Variants in CDC14B observed in about 807,000 individuals in gnomAD.
CDC14B encodes the protein dual specificity protein phosphatase CDC14B.
In CDC14B, 22 loss-of-function variants were observed where a neutral mutation model predicts 64.2. The ratio of observed to expected loss-of-function variants is 0.34; its 90% confidence interval spans 0.24 to 0.49. CDC14B has a LOEUF of 0.49. Ranked by LOEUF, CDC14B falls within the 20% of genes least tolerant of loss-of-function variation. The pLI is 0.99. For synonymous variants in CDC14B, 191 were observed against 215.8 expected (o/e 0.89, Z 1.01); for missense variants, 498 against 629.9 (o/e 0.79, Z 2.24).
chr9:96,590,451 A>G (rs1345479039), intron 1 of CDC14B, among the ~76,000 whole-genome samples: 1 of 152,226 alleles, frequency 6.6e-6, no homozygotes, highest in African/African-American at 2.4e-5. Context: ...TGGACTGGAC[A>G]TAAGTGTAAA....
chr9:96,566,669 C>T, intron 1 of CDC14B: 6 of 1,186,306 alleles, frequency 5.1e-6, no homozygotes, highest in Middle Eastern at 2.8e-4. Flanking sequence ...CAAGGGCGGC[C>T]GGGGCCCAGA....
Position 96,534,384 on chromosome 9 carries a change from C to T in CDC14B, c.715+71G>A, listed in dbSNP as rs1838974863. ...TAACACTTGGTCAAGCTTGGTGTAA[C>T]TCTTTCAAAAGAAAATATAGGATAG... On this transcript the variant is annotated intron_variant, in intron 8 of 13. Transcript: ENST00000375241. 3.5e-6 allele frequency: 4 copies of T among 1,145,452 alleles called. No individual in the cohort carries two copies. In the Admixed American group the frequency reaches 5.4e-5, roughly 15 times the overall value. The allele number at this position is 1,145,452 out of a possible 1,614,324, so 71.0% of individuals were successfully genotyped here.
chr9:96,615,892 G>T (rs2119081177), intron 1 of CDC14B, among the ~76,000 whole-genome samples: 1 of 152,272 alleles, frequency 6.6e-6, no homozygotes, highest in African/African-American at 2.4e-5. Flanking sequence ...ACACTCTATA[G>T]ATATAGTCAC....
intron 12 of CDC14B, among the ~76,000 whole-genome samples, chr9:96,510,580 A>C (rs1834778857): frequency 6.6e-6 from 1 of 151,954 alleles, no homozygotes; most frequent in African/African-American, 2.4e-5. Context: ...AAAACAGCAG[A>C]AGACATCAAA....
At chr9:96,509,532 G>A in intron 13 of CDC14B, 141 bp downstream of exon 13, 2 of 704,098 alleles carry the variant, frequency 2.8e-6, no homozygotes, top group Admixed American at 4.9e-5. Flanking sequence ...TAATGAACAA[G>A]GAATACACAT....
chr9:96,537,353 G>A (rs1003463438), intron 7 of CDC14B, among the ~76,000 whole-genome samples: 2 of 151,670 alleles, frequency 1.3e-5, no homozygotes, highest in African/African-American at 2.4e-5. Context: ...TTTTTGGTCC[G>A]GCTGGTTTGA....
At chr9:96,586,568 G>A (rs1845462351) in intron 1 of CDC14B, among the ~76,000 whole-genome samples, 1 of 152,074 alleles carries the variant, frequency 6.6e-6, no homozygotes, top group Admixed American at 6.6e-5. Context: ...CTGAGTAGCT[G>A]GGACCACAGG....
intron 1 of CDC14B, among the ~76,000 whole-genome samples, chr9:96,616,520 T>C (rs938713989): frequency 6.6e-6 from 1 of 151,914 alleles, no homozygotes; most frequent in African/African-American, 2.4e-5. Context: ...GGTCAGGAGT[T>C]TGAGACTAGC....
At position 96,594,933 on chromosome 9, in the gene CDC14B, A is replaced by C. The variant is rs112792164; in HGVS notation, c.160+24286T>G. On this transcript the variant is annotated intron_variant, in intron 1 of 13. Transcript: ENST00000375241. ...TTTGGCTGTCTGAGGCAGACGGATC[A>C]CGAGGTCAAGAGACAGAGACCATCC... Among the ~76,000 whole-genome samples the C allele has an allele frequency of 6.7e-3, 1,014 of 152,200 alleles. 17 individuals are homozygous for C. The highest frequency in any genetic ancestry group is 0.023 in the African/African-American group (959 of 41,536).
intron 4 of CDC14B, among the ~76,000 whole-genome samples, chr9:96,556,785 C>T (rs567423403): frequency 2.6e-5 from 4 of 152,050 alleles, no homozygotes; most frequent in Non-Finnish European, 5.9e-5. Flanking sequence ...ATGAAATCTC[C>T]TAAATTTTAA....
chr9:96,508,758 T>C (rs916577188), intron 13 of CDC14B, among the ~76,000 whole-genome samples: 28 of 152,234 alleles, frequency 1.8e-4, no homozygotes, highest in Admixed American at 1.0e-3. Context: ...TCTGCCAAGG[T>C]CTCTTGGGAG....
At chr9:96,557,038 G>A (rs1842591518) in intron 4 of CDC14B, among the ~76,000 whole-genome samples, 1 of 152,242 alleles carries the variant, frequency 6.6e-6, no homozygotes, top group African/African-American at 2.4e-5. Context: ...TGCAGTCAAG[G>A]ATCTTAAGCT....
intron 1 of CDC14B, among the ~76,000 whole-genome samples, chr9:96,605,550 T>A (rs1320146202): frequency 4.6e-5 from 7 of 152,088 alleles, no homozygotes; most frequent in Admixed American, 1.3e-4. Flanking sequence ...TGCCTTTCCT[T>A]ACCATCTCAC....
chr9:96,581,510 T>TAATTAAATTAAATTTAAAA (rs1200062977), intron 1 of CDC14B, among the ~76,000 whole-genome samples: 4 of 151,548 alleles, frequency 2.6e-5, no homozygotes, highest in African/African-American at 9.7e-5. Flanking sequence ...TTTAAAAAAT[T>TAATTAAATTAAATTTAAAA]AATTTAAAAA....
In CDC14B at chr9:96,528,362, A is replaced by C. The variant is rs981366985; in HGVS notation, c.947-4637T>G. ...CATGGTGAAACCCTGTTTCTACTAA[A>C]AATACAAAAATTAGCTGGATGTCAT... On this transcript the variant is annotated intron_variant, in intron 9 of 13. Transcript: ENST00000375241. 2.6e-5 allele frequency among the ~76,000 whole-genome samples: 4 copies of C among 152,094 alleles called. No homozygotes were observed. In the East Asian group the frequency reaches 5.8e-4, roughly 22 times the overall value.
At chr9:96,553,766 T>C (rs1437696186) in intron 4 of CDC14B, among the ~76,000 whole-genome samples, 2 of 152,204 alleles carry the variant, frequency 1.3e-5, no homozygotes, top group Admixed American at 6.5e-5. Flanking sequence ...CAGTCTCCGA[T>C]GCATGTATGC....
chr9:96,551,953 A>C (rs1283044234), intron 4 of CDC14B, 81 bp from the exon 5 acceptor site: 2 of 1,514,938 alleles, frequency 1.3e-6, no homozygotes, highest in African/African-American at 1.4e-5. Context: ...AATTTTGTCC[A>C]ATTTCCAACC....
rs1484221385 is a variant in CDC14B at position 96,562,725 on chromosome 9, C to T, written c.388G>A (p.Ala130Thr). ...HFTGSDQRKQ[A>T]NAAFLVGCYM... ...CATCCAACAAGGAAGGCAGCATTTGCTTGTTTTCTCTGATCAGAGCCAGTA... is the reference window on the plus strand; with the variant it reads ...CATCCAACAAGGAAGGCAGCATTTGTTTGTTTTCTCTGATCAGAGCCAGTA... The change falls in exon 4 of 14, where the codon GCA becomes ACA. Residue 130 changes from alanine (A) to threonine (T), a missense_variant. Coordinates refer to ENST00000375241, the MANE Select transcript of CDC14B (RefSeq NM_033331.4). 1 of 1,612,022 alleles carries T rather than the reference C, an allele frequency of 6.2e-7. No individual in the cohort carries two copies. The highest frequency in any genetic ancestry group is 8.5e-7 in the Non-Finnish European group (1 of 1,178,190).
Position 96,583,750 on chromosome 9 carries a change from GCT to G in CDC14B, c.161-18269_161-18268del, listed in dbSNP as rs1489800180. 5.4e-5 allele frequency among the ~76,000 whole-genome samples: 8 copies of G among 148,060 alleles called. No individual in the cohort carries two copies. In the East Asian group the frequency reaches 1.6e-3, roughly 30 times the overall value. ...TTATTTTTTTTTGAGACGGAGTCTC[GCT>G]CTGTCGCCCAGGCTGGAGTGCAGTG... On this transcript the variant is annotated intron_variant, in intron 1 of 13. Coordinates refer to ENST00000375241, the MANE Select transcript of CDC14B (RefSeq NM_033331.4).
Sources: gnomAD v4.1 joint callset for allele counts (sites outside exome capture counted in the v4.1 genomes callset) on GRCh38, gnomAD v4.1.1 for gene constraint, MANE v1.5 for transcripts, NCBI Gene and HGNC (gene_info 2026-07-23, HGNC 2026-07-21) for gene names.